Variants in PIBF1 observed in about 807,000 individuals in gnomAD.
PIBF1 encodes the protein progesterone-induced-blocking factor 1.
A neutral mutation model predicts 112.5 loss-of-function variants in PIBF1; 90 were observed. The ratio of observed to expected loss-of-function variants is 0.80; its 90% confidence interval spans 0.67 to 0.95. PIBF1 has a LOEUF of 0.95. Among genes scored for constraint, PIBF1 ranks in the 40% least tolerant of loss-of-function variants. PIBF1 has a pLI of 0.00. For missense variants in PIBF1, 915 were observed against 852.3 expected (o/e 1.07, Z -0.92); for synonymous variants, 301 against 288.6 (o/e 1.04, Z -0.44).
intron 17 of PIBF1, among the ~76,000 whole-genome samples, chr13:73,000,413 A>G (rs2043819713): frequency 6.6e-6 from 1 of 152,126 alleles, no homozygotes; most frequent in Admixed American, 6.6e-5. Flanking sequence ...AGACTTCCTA[A>G]GCTTATTACC....
intron 8 of PIBF1, among the ~76,000 whole-genome samples, chr13:72,828,717 A>G (rs1436492208): frequency 6.6e-6 from 1 of 152,178 alleles, no homozygotes; most frequent in Non-Finnish European, 1.5e-5. Flanking sequence ...AGTCTTTGCT[A>G]TTGTGAACAG....
At chr13:72,813,391 T>C (rs2036113217) in intron 5 of PIBF1, among the ~76,000 whole-genome samples, 1 of 152,182 alleles carries the variant, frequency 6.6e-6, no homozygotes, top group Non-Finnish European at 1.5e-5. Flanking sequence ...AAGCTAGTGT[T>C]CCAGTTACGT....
intron 5 of PIBF1, among the ~76,000 whole-genome samples, chr13:72,812,845 G>A (rs2036083100): frequency 2.0e-5 from 3 of 151,820 alleles, no homozygotes; most frequent in Admixed American, 6.6e-5. Context: ...TGTGGTCCCA[G>A]GTAGGAGGAT....
In PIBF1 at chr13:72,882,405, G is replaced by A. The variant is rs144011316; in HGVS notation, c.1323-11379G>A. Among the ~76,000 whole-genome samples, 53 of 152,262 alleles carry A rather than the reference G, an allele frequency of 3.5e-4. No homozygotes were observed. The East Asian group carries it at 7.1e-3, about 21-fold the overall frequency. On this transcript the variant is annotated intron_variant, in intron 10 of 17. Coordinates refer to ENST00000326291, the MANE Select transcript of PIBF1 (RefSeq NM_006346.4). The stretch of plus-strand genomic sequence containing the variant: ...AGATTTCTTGAGTGATACCGCACAA[G>A]CACAGGCAGCCAAAGCAAAAATGGA...
chr13:72,816,196 A>C (rs1216933079), intron 5 of PIBF1, among the ~76,000 whole-genome samples: 1 of 152,216 alleles, frequency 6.6e-6, no homozygotes, highest in East Asian at 1.9e-4. Context: ...TAAATGAGCC[A>C]ATGAATCAGT....
At chr13:72,870,365 G>A (rs1054436528) in intron 10 of PIBF1, among the ~76,000 whole-genome samples, 1 of 152,136 alleles carries the variant, frequency 6.6e-6, no homozygotes, top group Non-Finnish European at 1.5e-5. Context: ...ACATCAAAAG[G>A]CAAAAGAGAA....
intron 9 of PIBF1, among the ~76,000 whole-genome samples, chr13:72,851,794 C>T (rs893642440): frequency 1.5e-4 from 23 of 152,206 alleles, no homozygotes; most frequent in South Asian, 6.2e-4. Context: ...CCCACAAAAA[C>T]CCCAGACTCT....
At chr13:72,914,493 C>T (rs904554370) in intron 12 of PIBF1, among the ~76,000 whole-genome samples, 9 of 152,120 alleles carry the variant, frequency 5.9e-5, no homozygotes, top group Non-Finnish European at 1.3e-4. Context: ...CTTCTCTTTG[C>T]TTCTTGAATC....
chr13:72,974,220 TA>T (rs1345752194), intron 16 of PIBF1: 2 of 152,478 alleles, frequency 1.3e-5, no homozygotes, highest in Admixed American at 1.3e-4. Flanking sequence ...AGTTATAATC[TA>T]CAAAGAATAA....
At position 72,950,934 on chromosome 13, in the gene PIBF1, G is replaced by A. The variant is rs2042278622; in HGVS notation, c.1834-14340G>A. On this transcript the variant is annotated intron_variant, in intron 14 of 17. Coordinates refer to ENST00000326291, the MANE Select transcript of PIBF1 (RefSeq NM_006346.4). ...AGTTCCCAGCCCACTGGGCATGTAG[G>A]AGGCTCAAAGTGAGTGCCGTGGTTT... 2.0e-5 allele frequency among the ~76,000 whole-genome samples: 3 copies of A among 152,236 alleles called. No individual in the cohort carries two copies. The East Asian group carries it at 5.8e-4, about 29-fold the overall frequency.
At chr13:72,912,493 A>G (rs1217683936) in intron 12 of PIBF1, among the ~76,000 whole-genome samples, 1 of 152,212 alleles carries the variant, frequency 6.6e-6, no homozygotes, top group Non-Finnish European at 1.5e-5. Flanking sequence ...TATACCCACA[A>G]GAATGGCTGA....
chr13:72,893,656 G>A, intron 10 of PIBF1, 128 bp from the exon 11 acceptor site: 1 of 478,702 alleles, frequency 2.1e-6, no homozygotes, highest in Non-Finnish European at 3.5e-6. Context: ...TAAAAGCTTT[G>A]CTGAATAAAT....
Position 72,802,159 on chromosome 13 carries a change from A to AT in PIBF1, c.672+4143dup, listed in dbSNP as rs906624175. Among the ~76,000 whole-genome samples, 180 of 150,244 alleles carry AT rather than the reference A, an allele frequency of 1.2e-3. 1 individual carries two copies. The highest frequency in any genetic ancestry group is 3.7e-3 in the African/African-American group (151 of 41,068). ...TCAGTGAGTCAAAAGTTACACATGGATTTTTTTTTTGACTGTATGGGAGTT... is the reference window on the plus strand; with the variant it reads ...TCAGTGAGTCAAAAGTTACACATGGATTTTTTTTTTTGACTGTATGGGAGTT... On this transcript the variant is annotated intron_variant, in intron 5 of 17. Coordinates refer to ENST00000326291, the MANE Select transcript of PIBF1 (RefSeq NM_006346.4).
rs573939625 is a variant in PIBF1, at chr13:72,891,480, T to A, written c.1323-2304T>A. On this transcript the variant is annotated intron_variant, in intron 10 of 17. Coordinates refer to ENST00000326291, the MANE Select transcript of PIBF1 (RefSeq NM_006346.4). ...ATTTGTATGTCATAAAATGTTGAAT[T>A]AATACTTTTTTTTAGTAAAAGGTAT... 3.5e-3 allele frequency among the ~76,000 whole-genome samples: 492 copies of A among 138,608 alleles called. 4 individuals carry two copies. Among genetic ancestry groups the A allele is most frequent in the African/African-American group, 0.012 (445 of 36,458 alleles). 90.9% of individuals were successfully genotyped at this position (138,608 alleles called of 152,430 possible). A position where few individuals can be genotyped will look rare whatever the true frequency, so the allele number is the denominator to read the frequency against.
intron 16 of PIBF1, among the ~76,000 whole-genome samples, chr13:72,986,733 G>T (rs139462737): frequency 0.086 from 12,453 of 144,090 alleles, 1,461 homozygotes; most frequent in African/African-American, 0.28. Context: ...GCCCAGGCCG[G>T]ACTGCGGACT....
At chr13:72,998,725 T>C (rs2043760804) in intron 16 of PIBF1, 97 bp from the exon 17 acceptor site, 2 of 766,336 alleles carry the variant, frequency 2.6e-6, no homozygotes, top group East Asian at 2.7e-5. Flanking sequence ...TGTAGTATAA[T>C]TGTTTCTTCT....
At chr13:72,875,470 T>C (rs1421852212) in intron 10 of PIBF1, among the ~76,000 whole-genome samples, 1 of 151,788 alleles carries the variant, frequency 6.6e-6, no homozygotes, top group Non-Finnish European at 1.5e-5. Context: ...AACCACGAAA[T>C]GTGTCAGTGT....
At chr13:72,973,881 G>A in intron 16 of PIBF1, 1 of 484,428 alleles carries the variant, frequency 2.1e-6, no homozygotes, top group South Asian at 4.3e-5. Flanking sequence ...TTCTTGTTGT[G>A]TTGATATCTG....
intron 6 of PIBF1, among the ~76,000 whole-genome samples, chr13:72,825,955 ACT>A (rs967935580): frequency 2.0e-5 from 3 of 150,314 alleles, no homozygotes; most frequent in South Asian, 2.1e-4. Context: ...TGTAGTCCTA[ACT>A]CTCTGGCAGG....
Sources: allele counts gnomAD v4.1 joint callset (sites outside exome capture counted in the v4.1 genomes callset), GRCh38; gene constraint gnomAD v4.1.1; transcripts MANE v1.5; gene names NCBI Gene and HGNC (gene_info 2026-07-23, HGNC 2026-07-21).